ERGIC2: variants seen among roughly 807,000 people sequenced by gnomAD.
ERGIC2 encodes endoplasmic reticulum-Golgi intermediate compartment protein 2.
A neutral mutation model predicts 52.5 loss-of-function variants in ERGIC2; 31 were observed. The observed-to-expected ratio is 0.59, with a 90% CI of 0.44 to 0.80. The LOEUF is 0.80. ERGIC2 is among the 30% of genes least tolerant of loss of function. The probability of loss-of-function intolerance (pLI) is 0.00; values close to 1 mark genes in which losing one functional copy is unlikely to be tolerated. For missense variants in ERGIC2, 395 were observed against 455.2 expected, an observed-to-expected ratio of 0.87 and a Z score of 1.20; for synonymous variants, 129 against 140.6, an observed-to-expected ratio of 0.92 and a Z score of 0.58.
At chr12:29,358,452 G>A (rs1940238963) in intron 6 of ERGIC2, among the ~76,000 whole-genome samples, 1 of 152,090 alleles carries the variant, frequency 6.6e-6, no homozygotes. Context: ...TGGCAGTATG[G>A]TAGATACATG....
chr12:29,355,387 TA>T (rs1264538419), intron 8 of ERGIC2, among the ~76,000 whole-genome samples: 3 of 152,328 alleles, frequency 2.0e-5, no homozygotes, highest in East Asian at 3.9e-4. Context: ...AAAAACCCTT[TA>T]TTTTTTTCTT....
At chr12:29,360,410 T>C (rs913240321) in intron 6 of ERGIC2, among the ~76,000 whole-genome samples, 14 of 150,508 alleles carry the variant, frequency 9.3e-5, no homozygotes, top group Middle Eastern at 3.5e-3. Flanking sequence ...CAAAATATCA[T>C]GTTAGGTGGA....
Position 29,340,705 on chromosome 12 carries a change from C to T in ERGIC2, c.*451G>A, listed in dbSNP as rs1949831349. The stretch of plus-strand genomic sequence containing the variant: ...TGATCACAATTCTTTAAAGTCTAGA[C>T]TAGTTTTCCGTATGTTTTCCACATT... On this transcript the variant is annotated 3_prime_UTR_variant, in exon 14 of 14. Transcript: ENST00000360150. 2.9e-6 allele frequency: 1 copy of T among 344,312 alleles called. No homozygotes were observed. Among genetic ancestry groups the T allele is most frequent in the Non-Finnish European group, 5.5e-6 (1 of 182,874 alleles). The allele number at this position is 344,312 out of a possible 1,614,324, so 21.3% of individuals were successfully genotyped here.
intron 9 of ERGIC2, 55 bp from the exon 10 acceptor site, chr12:29,349,232 A>G: frequency 1.2e-6 from 1 of 837,868 alleles, no homozygotes; most frequent in South Asian, 1.7e-5. Flanking sequence ...ATTCAAAATT[A>G]CTTGGTACAG....
At chr12:29,354,506 A>C (rs1329993336) in intron 8 of ERGIC2, among the ~76,000 whole-genome samples, 3 of 152,196 alleles carry the variant, frequency 2.0e-5, no homozygotes, top group Non-Finnish European at 2.9e-5. Context: ...ATTGTGTTAC[A>C]AATTATGTTC....
At chr12:29,380,448 C>A (rs1009679549) in intron 1 of ERGIC2, 4 of 152,020 alleles carry the variant, frequency 2.6e-5, no homozygotes, top group African/African-American at 9.7e-5. Flanking sequence ...GTTATTTAAA[C>A]GTGTTTTCTC....
Position 29,368,253 on chromosome 12 carries a change from T to C in ERGIC2, c.250A>G (p.Met84Val), listed in dbSNP as rs1279185467. Reference sequence around the variant, plus strand: ...AAGGTGTACTTACATTGACACTTCATGGCAACAGTAATATCTATATTAATT... The same window carrying C: ...AAGGTGTACTTACATTGACACTTCACGGCAACAGTAATATCTATATTAATT... ...LRINIDITVAMKCQYVGADVL... is the reference protein window; with the variant it reads ...LRINIDITVAVKCQYVGADVL... Residue 84 changes from methionine to valine, a missense_variant, in exon 4 of 14, where the codon ATG becomes GTG. By Grantham distance (21) the Met-to-Val change is conservative. Coordinates refer to ENST00000360150, the MANE Select transcript of ERGIC2 (RefSeq NM_016570.3). 3 of 1,571,772 alleles carry C rather than the reference T, an allele frequency of 1.9e-6. No homozygotes were observed. Among genetic ancestry groups the C allele is most frequent in the South Asian group, 1.1e-5 (1 of 89,704 alleles).
intron 12 of ERGIC2, among the ~76,000 whole-genome samples, chr12:29,342,562 A>C (rs1185843372): frequency 6.6e-6 from 1 of 152,218 alleles, no homozygotes; most frequent in African/African-American, 2.4e-5. Context: ...CCCAATTTTC[A>C]TCATTACAAT....
intron 1 of ERGIC2, among the ~76,000 whole-genome samples, chr12:29,374,399 T>TG (rs1403023386): frequency 6.6e-6 from 1 of 152,216 alleles, no homozygotes; most frequent in African/African-American, 2.4e-5. Flanking sequence ...CTCAAGATTC[T>TG]GCACTAGGTC....
In ERGIC2 at chr12:29,371,513, T is replaced by G; in HGVS notation, c.106+15A>C. On this transcript the variant is annotated intron_variant, in intron 2 of 13. Coordinates refer to ENST00000360150, the MANE Select transcript of ERGIC2 (RefSeq NM_016570.3). ...TGTACTTACTACAGAACTTTTAATG[T>G]TAACTGATACTCACCTGTACCTCCA... 6.5e-7 allele frequency: 1 copy of G among 1,539,430 alleles called. No individual in the cohort carries two copies. Among genetic ancestry groups the G allele is most frequent in the Non-Finnish European group, 8.8e-7 (1 of 1,132,954 alleles).
rs1949817386 is a variant in ERGIC2, at chr12:29,338,893, T to C, written c.*2263A>G. ...TACTCTTGTAAAACAAAAAGGAGAA[T>C]TGGGTAACAAAGTAGGGTATCCTGG... On this transcript the variant is annotated 3_prime_UTR_variant, in exon 14 of 14. Transcript: ENST00000360150. 6.6e-6 allele frequency: 1 copy of C among 152,084 alleles called. No individual in the cohort carries two copies. The highest frequency in any genetic ancestry group is 1.5e-5 in the Non-Finnish European group (1 of 68,008). The allele number at this position is 152,084 out of a possible 1,614,324, so 9.4% of individuals were successfully genotyped here.
intron 3 of ERGIC2, among the ~76,000 whole-genome samples, chr12:29,368,994 A>G (rs1429150526): frequency 6.6e-6 from 1 of 151,946 alleles, no homozygotes; most frequent in African/African-American, 2.4e-5. Flanking sequence ...CGAATAATAG[A>G]CTGGCTATGA....
At chr12:29,366,837 C>T (rs780532827) in intron 5 of ERGIC2, 40 bp downstream of exon 5, 1 of 1,287,754 alleles carries the variant, frequency 7.8e-7, no homozygotes, top group Admixed American at 1.8e-5. Context: ...TACGATTCCT[C>T]AACCCGTGTA....
rs372266940 is a variant in ERGIC2, at chr12:29,343,170, T to C, written c.938A>G (p.Gln313Arg). Residue 313 changes from glutamine to arginine, a missense_variant, in exon 12 of 14, where the codon CAG becomes CGG. Gln to Arg is a conservative substitution (Grantham distance 43). Coordinates refer to ENST00000360150, the MANE Select transcript of ERGIC2 (RefSeq NM_016570.3). The part of the protein sequence containing the change: ...TVTEEHMPFW[Q>R]FFVRLCGIVG... ...AATACCACAGAGTCTTACAAAAAAC[T>C]GCCAGAATGGCATGTGCTCCTCAGT... 4.1e-4 allele frequency: 653 copies of C among 1,611,642 alleles called. No homozygotes were observed. Among genetic ancestry groups the C allele is most frequent in the Non-Finnish European group, 5.3e-4 (625 of 1,178,532 alleles).
chr12:29,365,038 T>G (rs1460807896), intron 5 of ERGIC2, among the ~76,000 whole-genome samples: 1 of 151,814 alleles, frequency 6.6e-6, no homozygotes, highest in African/African-American at 2.4e-5. Flanking sequence ...TCAGCCACTG[T>G]GGAAAGCAAT....
At chr12:29,367,750 A>C (rs541227022) in intron 4 of ERGIC2, among the ~76,000 whole-genome samples, 15 of 151,998 alleles carry the variant, frequency 9.9e-5, no homozygotes, top group African/African-American at 3.4e-4. Flanking sequence ...ACTATCTGGC[A>C]TATTAGCATT....
chr12:29,368,221 C>G lies in ERGIC2; in HGVS notation c.262+20G>C. The G allele has an allele frequency of 6.6e-7, 1 of 1,507,114 alleles. No homozygotes were observed. Among genetic ancestry groups the G allele is most frequent in the Non-Finnish European group, 9.2e-7 (1 of 1,085,364 alleles). 93.4% of individuals were successfully genotyped at this position (1,507,114 alleles called of 1,614,324 possible). ...AACCATAACCTACATGTGGATTCAG[C>G]AAGTTGAAGGTGTACTTACATTGAC... On this transcript the variant is annotated intron_variant, in intron 4 of 13. Transcript: ENST00000360150.
At chr12:29,346,386 T>A (rs1565536181) in intron 10 of ERGIC2, among the ~76,000 whole-genome samples, 1 of 151,692 alleles carries the variant, frequency 6.6e-6, no homozygotes, top group Non-Finnish European at 1.5e-5. Context: ...GACAGGGTTT[T>A]GCCATGTCGC....
chr12:29,375,267 T>G (rs1178170168), intron 1 of ERGIC2, among the ~76,000 whole-genome samples: 2 of 152,164 alleles, frequency 1.3e-5, no homozygotes, highest in Non-Finnish European at 2.9e-5. Context: ...TATTTCTAAT[T>G]GCCTCTTTTT....
Sources: allele counts gnomAD v4.1 joint callset (sites outside exome capture counted in the v4.1 genomes callset), GRCh38; gene constraint gnomAD v4.1.1; transcripts MANE v1.5; gene names NCBI Gene and HGNC (gene_info 2026-07-23, HGNC 2026-07-21).